Variants in ADGRB3 observed in about 807,000 individuals in gnomAD.
ADGRB3 encodes adhesion G protein-coupled receptor B3.
In ADGRB3, 37 loss-of-function variants were observed where a neutral mutation model predicts 193.4. That is an observed-to-expected ratio of 0.19 (90% confidence interval 0.15 to 0.25). The LOEUF (loss-of-function observed/expected upper bound fraction) is 0.25, where lower values mean the gene tolerates loss of function less well. Ranked by LOEUF, ADGRB3 falls within the 10% of genes least tolerant of loss-of-function variation. The probability of loss-of-function intolerance (pLI) is 1.00; values close to 1 mark genes in which losing one functional copy is unlikely to be tolerated. For missense variants in ADGRB3, 1,637 were observed against 1,852.9 expected, an observed-to-expected ratio of 0.88 and a Z score of 2.14; for synonymous variants, 690 against 644.2, an observed-to-expected ratio of 1.07 and a Z score of -1.08.
At chr6:69,357,629 C>T (rs976055812) in intron 28 of ADGRB3, among the ~76,000 whole-genome samples, 2 of 151,910 alleles carry the variant, frequency 1.3e-5, no homozygotes, top group African/African-American at 4.8e-5. Flanking sequence ...TACAGAATCT[C>T]AGGTCCTGTC....
At chr6:69,165,394 C>T (rs938809609) in intron 17 of ADGRB3, among the ~76,000 whole-genome samples, 3 of 151,912 alleles carry the variant, frequency 2.0e-5, no homozygotes, top group Non-Finnish European at 4.4e-5. Flanking sequence ...TCTTCTCCCG[C>T]GGCAGCCATC....
At chr6:69,298,740 A>G (rs1767887605) in intron 20 of ADGRB3, among the ~76,000 whole-genome samples, 1 of 152,026 alleles carries the variant, frequency 6.6e-6, no homozygotes, top group Non-Finnish European at 1.5e-5. Context: ...GCTGGATCAT[A>G]TTCCATTTTG....
At chr6:68,732,525 G>C (rs115438052) in intron 3 of ADGRB3, among the ~76,000 whole-genome samples, 3 of 151,900 alleles carry the variant, frequency 2.0e-5, no homozygotes, top group African/African-American at 7.2e-5. Context: ...TAAAATTATG[G>C]TATGGTATTG....
At chr6:68,798,155 T>G (rs973284795) in intron 3 of ADGRB3, among the ~76,000 whole-genome samples, 8 of 152,214 alleles carry the variant, frequency 5.3e-5, no homozygotes, top group African/African-American at 1.9e-4. Flanking sequence ...AAGTAAAATT[T>G]AAAATAAACT....
At chr6:68,729,043 A>G (rs1765724811) in intron 3 of ADGRB3, among the ~76,000 whole-genome samples, 1 of 151,806 alleles carries the variant, frequency 6.6e-6, no homozygotes, top group African/African-American at 2.4e-5. Context: ...ATTAGAGGAC[A>G]TAAGATAGAA....
At chr6:69,373,387 A>G (rs962610206) in intron 30 of ADGRB3, among the ~76,000 whole-genome samples, 3 of 152,120 alleles carry the variant, frequency 2.0e-5, no homozygotes, top group South Asian at 2.1e-4. Flanking sequence ...ACTTGTTTTT[A>G]TTTACTGCAA....
At chr6:68,903,955 C>T (rs1766467359) in intron 3 of ADGRB3, among the ~76,000 whole-genome samples, 1 of 138,726 alleles carries the variant, frequency 7.2e-6, no homozygotes, top group Non-Finnish European at 1.5e-5. Context: ...CTGAGTGTGC[C>T]ATTACACTCA....
chr6:69,281,204 A>T (rs571585385), intron 20 of ADGRB3, among the ~76,000 whole-genome samples: 2 of 152,280 alleles, frequency 1.3e-5, no homozygotes, highest in South Asian at 2.1e-4. Flanking sequence ...TGCTGGTCAA[A>T]TGTGTCCTGA....
chr6:68,934,058 A>T (rs1004455494), intron 4 of ADGRB3, among the ~76,000 whole-genome samples: 3 of 152,260 alleles, frequency 2.0e-5, no homozygotes, highest in African/African-American at 7.2e-5. Context: ...CTTGACTAGA[A>T]TGTTCTTCAT....
intron 8 of ADGRB3, among the ~76,000 whole-genome samples, chr6:68,968,696 G>A (rs946130138): frequency 2.6e-5 from 4 of 152,020 alleles, no homozygotes; most frequent in African/African-American, 2.4e-5. Context: ...TATTAAAAAC[G>A]GACGAGTCGT....
chr6:69,075,100 A>C (rs972020172), intron 16 of ADGRB3, among the ~76,000 whole-genome samples: 6 of 152,226 alleles, frequency 3.9e-5, no homozygotes. Context: ...TATTAGGAAG[A>C]GAGCACCTGA....
intron 3 of ADGRB3, among the ~76,000 whole-genome samples, chr6:68,915,727 G>C: frequency 6.6e-6 from 1 of 151,866 alleles, no homozygotes; most frequent in East Asian, 1.9e-4. Flanking sequence ...GAAACAGTGA[G>C]AAGAAAGCTT....
intron 13 of ADGRB3, among the ~76,000 whole-genome samples, chr6:69,047,164 AT>A (rs1771261944): frequency 6.6e-6 from 1 of 152,108 alleles, no homozygotes. Context: ...CAGCCAATGA[AT>A]TTTTACTTTA....
At chr6:68,986,275 C>G (rs1012681396) in intron 10 of ADGRB3, among the ~76,000 whole-genome samples, 6 of 152,082 alleles carry the variant, frequency 3.9e-5, no homozygotes, top group Non-Finnish European at 2.9e-5. Flanking sequence ...TTCAGATATT[C>G]CTCAGACAAG....
At chr6:68,671,260 G>A (rs74645808) in intron 3 of ADGRB3, among the ~76,000 whole-genome samples, 4,640 of 151,836 alleles carry the variant, frequency 0.031, 121 homozygotes, top group African/African-American at 0.066. Flanking sequence ...TTCTCTTGTC[G>A]GATTGCTCTA....
At chr6:68,839,595 C>A (rs930843805) in intron 3 of ADGRB3, among the ~76,000 whole-genome samples, 1 of 152,156 alleles carries the variant, frequency 6.6e-6, no homozygotes, top group African/African-American at 2.4e-5. Context: ...TAGCCTTACA[C>A]TTCTGCTCCT....
At chr6:68,808,396 G>A (rs1025397223) in intron 3 of ADGRB3, among the ~76,000 whole-genome samples, 6 of 151,386 alleles carry the variant, frequency 4.0e-5, no homozygotes, top group Non-Finnish European at 7.4e-5. Flanking sequence ...AATAAGAAGG[G>A]GGAAAAAAGC....
At chr6:69,290,342 G>A (rs929621184) in intron 20 of ADGRB3, among the ~76,000 whole-genome samples, 2 of 152,134 alleles carry the variant, frequency 1.3e-5, no homozygotes, top group African/African-American at 4.8e-5. Flanking sequence ...GCACAAAGGA[G>A]AAGTTGCTGC....
intron 8 of ADGRB3, among the ~76,000 whole-genome samples, chr6:68,961,341 C>CT (rs1768226857): frequency 6.6e-6 from 1 of 152,152 alleles, no homozygotes; most frequent in Admixed American, 6.6e-5. Context: ...GGACACAGAT[C>CT]TGCAGTCCTG....
Sources: allele counts gnomAD v4.1 joint callset (sites outside exome capture counted in the v4.1 genomes callset), GRCh38; gene constraint gnomAD v4.1.1; transcripts MANE v1.5; gene names NCBI Gene and HGNC (gene_info 2026-07-23, HGNC 2026-07-21).